LANCL3: variants seen among roughly 807,000 people sequenced by gnomAD.
LANCL3 encodes lanC-like protein 3.
In LANCL3, 19 loss-of-function variants were observed where a neutral mutation model predicts 26.5. The observed-to-expected ratio is 0.72, with a 90% confidence interval of 0.50 to 1.05. The LOEUF (loss-of-function observed/expected upper bound fraction) is 1.05, where lower values mean the gene tolerates loss of function less well. Ranked by LOEUF, LANCL3 falls within the 50% of genes least tolerant of loss-of-function variation. The pLI is 0.00. For synonymous variants in LANCL3, 160 were observed against 166.6 expected, an observed-to-expected ratio of 0.96 and a Z score of 0.30; for missense variants, 318 against 362.7, an observed-to-expected ratio of 0.88 and a Z score of 1.00.
intron 3 of LANCL3, among the ~76,000 whole-genome samples, chrX:37,662,147 A>T (rs1326275507): frequency 2.7e-5 from 3 of 112,213 alleles, no homozygotes; most frequent in Non-Finnish European, 5.6e-5. Flanking sequence ...GAGCTTTGTG[A>T]ACAAGACATT....
chrX:37,638,747 C>A (rs781915099), intron 1 of LANCL3, among the ~76,000 whole-genome samples: 3 of 111,069 alleles, frequency 2.7e-5, no homozygotes, highest in Non-Finnish European at 3.8e-5. Flanking sequence ...CAGAGCATTT[C>A]CATCAATCTA....
chrX:37,616,444 G>C (rs966707759), intron 1 of LANCL3, among the ~76,000 whole-genome samples: 1 of 111,716 alleles, frequency 9.0e-6, no homozygotes, highest in African/African-American at 3.3e-5. Context: ...TGTTAAAAAA[G>C]GACTCTTGGC....
intron 3 of LANCL3, among the ~76,000 whole-genome samples, chrX:37,663,622 C>T (rs1310548147): frequency 4.5e-5 from 5 of 111,344 alleles, no homozygotes; most frequent in Non-Finnish European, 9.4e-5. Context: ...ATGTCATGGT[C>T]AGATTACGGT....
chrX:37,659,201 C>T (rs984022957), intron 2 of LANCL3, among the ~76,000 whole-genome samples: 5 of 112,463 alleles, frequency 4.4e-5, no homozygotes, highest in Admixed American at 2.8e-4. Context: ...AGCCAGAAAG[C>T]AGCAATAGAA....
chrX:37,579,470 G>C (rs1193645595), intron 1 of LANCL3, among the ~76,000 whole-genome samples: 23 of 111,618 alleles, frequency 2.1e-4, no homozygotes, highest in African/African-American at 7.5e-4. Flanking sequence ...GAGTAGATAT[G>C]CTGGAAAAAG....
At chrX:37,613,923 C>T (rs1556421450) in intron 1 of LANCL3, among the ~76,000 whole-genome samples, 2 of 111,982 alleles carry the variant, frequency 1.8e-5, no homozygotes, top group African/African-American at 6.5e-5. Context: ...CTACATTTCT[C>T]GAACTGTCCC....
intron 1 of LANCL3, among the ~76,000 whole-genome samples, chrX:37,605,392 A>G (rs1924681347): frequency 8.9e-6 from 1 of 111,948 alleles, no homozygotes; most frequent in African/African-American, 3.3e-5. Context: ...TCCTTCTTAG[A>G]CCAATGCAAG....
chrX:37,604,674 A>C lies in LANCL3; in HGVS notation c.573+32231A>C, dbSNP rs782462915. Among the ~76,000 whole-genome samples, 86 of 112,087 alleles carry C rather than the reference A, an allele frequency of 7.7e-4. No individual in the cohort carries two copies. The Admixed American group carries it at 8.1e-3, about 11-fold the overall frequency. On this transcript the variant is annotated intron_variant, in intron 1 of 4. Coordinates refer to ENST00000378619, the MANE Select transcript of LANCL3 (RefSeq NM_001170331.2). ...TTGACTGGTGTGACAGGGGTGGCTC[A>C]AAATCAAGAGCAGGGATGGAAGCAT...
chrX:37,599,686 C>T (rs782268308), intron 1 of LANCL3, among the ~76,000 whole-genome samples: 1 of 112,113 alleles, frequency 8.9e-6, no homozygotes, highest in African/African-American at 3.2e-5. Context: ...TTCAGAGCAC[C>T]ACAACATACA....
At chrX:37,607,392 AT>A (rs1924747025) in intron 1 of LANCL3, among the ~76,000 whole-genome samples, 1 of 112,212 alleles carries the variant, frequency 8.9e-6, no homozygotes, top group Admixed American at 9.5e-5. Flanking sequence ...TGGAAAGTCT[AT>A]CTGTGTCATC....
intron 1 of LANCL3, among the ~76,000 whole-genome samples, chrX:37,583,542 A>G (rs1923963476): frequency 9.0e-6 from 1 of 111,605 alleles, no homozygotes; most frequent in South Asian, 3.8e-4. Flanking sequence ...CATCCCTTGT[A>G]AGTTGGACTC....
chrX:37,647,648 A>C, intron 1 of LANCL3, among the ~76,000 whole-genome samples: 1 of 112,000 alleles, frequency 8.9e-6, no homozygotes, highest in Non-Finnish European at 1.9e-5. Flanking sequence ...GCAGATGGGC[A>C]CTCAGGGCAT....
Position 37,613,481 on chromosome X carries a change from C to G in LANCL3, c.573+41038C>G, listed in dbSNP as rs1924933911. ...AATAAATATTGGTTAAATGTGCATACTTTATAAACCACACTCAGACAAAGA... is the reference window on the plus strand; with the variant it reads ...AATAAATATTGGTTAAATGTGCATAGTTTATAAACCACACTCAGACAAAGA... On this transcript the variant is annotated intron_variant, in intron 1 of 4. Transcript: ENST00000378619. Among the ~76,000 whole-genome samples the G allele has an allele frequency of 5.4e-5, 6 of 112,044 alleles. No homozygotes were observed. The South Asian group carries it at 1.9e-3, about 35-fold the overall frequency.
chrX:37,607,567 CA>C (rs1924750335), intron 1 of LANCL3, among the ~76,000 whole-genome samples: 1 of 112,350 alleles, frequency 8.9e-6, no homozygotes, highest in Non-Finnish European at 1.9e-5. Flanking sequence ...GAAATATTTT[CA>C]AAACAAATAT....
At chrX:37,607,779 T>C (rs1924758034) in intron 1 of LANCL3, among the ~76,000 whole-genome samples, 1 of 111,894 alleles carries the variant, frequency 8.9e-6, no homozygotes, top group Non-Finnish European at 1.9e-5. Flanking sequence ...TATTCTTAGG[T>C]CAAATAAAAA....
intron 1 of LANCL3, among the ~76,000 whole-genome samples, chrX:37,612,705 G>A (rs977036521): frequency 1.8e-5 from 2 of 111,909 alleles, no homozygotes; most frequent in Non-Finnish European, 3.8e-5. Context: ...CTGTCCCCTC[G>A]TTTTGGTAGG....
intron 1 of LANCL3, among the ~76,000 whole-genome samples, chrX:37,580,932 A>G (rs1331231009): frequency 2.9e-4 from 33 of 112,143 alleles, no homozygotes; most frequent in Non-Finnish European, 5.4e-4. Flanking sequence ...ATGGGGTTCC[A>G]TCTTCCCCAG....
chrX:37,633,152 T>TG (rs1237984829), intron 1 of LANCL3, among the ~76,000 whole-genome samples: 1 of 109,401 alleles, frequency 9.1e-6, no homozygotes, highest in Non-Finnish European at 1.9e-5. Context: ...TTTGTTCGTT[T>TG]TTTTTTTTTT....
In LANCL3 at chrX:37,677,943, C is replaced by T. The variant is rs1926854525; in HGVS notation, c.*2130C>T. ...CACAATTCATCCTTGAGACCTGAAA[C>T]CTAAAGCACTCAGAACTGATACTCT... On this transcript the variant is annotated 3_prime_UTR_variant, in exon 5 of 5. Coordinates refer to ENST00000378619, the MANE Select transcript of LANCL3 (RefSeq NM_001170331.2). 1 of 111,828 alleles carries T rather than the reference C, an allele frequency of 8.9e-6. No homozygotes were observed. The highest frequency in any genetic ancestry group is 1.9e-5 in the Non-Finnish European group (1 of 53,042). The allele number at this position is 111,828 out of a possible 1,213,427, so 9.2% of individuals were successfully genotyped here.
Sources: gnomAD v4.1 joint callset for allele counts (sites outside exome capture counted in the v4.1 genomes callset) on GRCh38, gnomAD v4.1.1 for gene constraint, MANE v1.5 for transcripts, NCBI Gene and HGNC (gene_info 2026-07-23, HGNC 2026-07-21) for gene names.